Variants in KHDRBS2 observed in about 807,000 individuals in gnomAD.
KHDRBS2 encodes KH RNA binding domain containing, signal transduction associated 2.
KHDRBS2 carries 26 observed loss-of-function variants against 44.3 expected under a neutral mutation model. The observed-to-expected ratio is 0.59, with a 90% confidence interval of 0.43 to 0.81. KHDRBS2 has a LOEUF of 0.81. Among genes scored for constraint, KHDRBS2 ranks in the 40% least tolerant of loss-of-function variants. KHDRBS2 has a pLI of 0.00. For synonymous variants in KHDRBS2, 194 were observed against 151.1 expected (o/e 1.28, Z -2.08); for missense variants, 476 against 433.1 (o/e 1.10, Z -0.88).
intron 3 of KHDRBS2, among the ~76,000 whole-genome samples, chr6:62,041,006 A>T (rs1318475293): frequency 6.6e-6 from 1 of 152,028 alleles, no homozygotes; most frequent in Non-Finnish European, 1.5e-5. Context: ...GCCCCTTTCC[A>T]TATTGGTTAT....
intron 3 of KHDRBS2, among the ~76,000 whole-genome samples, chr6:62,000,835 T>C (rs1778100269): frequency 6.6e-6 from 1 of 152,170 alleles, no homozygotes; most frequent in Non-Finnish European, 1.5e-5. Context: ...CAATTCAAAA[T>C]TGGAAAAGTA....
chr6:61,661,281 C>A, the KHDRBS2 span: 1 of 151,924 alleles, frequency 6.6e-6, no homozygotes, highest in East Asian at 2.0e-4. Context: ...AAGGGACTCA[C>A]CTCCATTGTT....
chr6:62,069,452 AT>A (rs1044659335), intron 2 of KHDRBS2, among the ~76,000 whole-genome samples: 5 of 151,582 alleles, frequency 3.3e-5, no homozygotes, highest in African/African-American at 1.2e-4. Flanking sequence ...TCAAGTTATT[AT>A]TTTTTTCTTG....
chr6:62,059,635 G>A (rs1167151722), intron 2 of KHDRBS2, among the ~76,000 whole-genome samples: 1 of 151,686 alleles, frequency 6.6e-6, no homozygotes, highest in Non-Finnish European at 1.5e-5. Context: ...GAAAAAATTG[G>A]AGTATATTCC....
chr6:61,689,549 A>G (rs1767168775), intron 8 of KHDRBS2, among the ~76,000 whole-genome samples: 1 of 151,910 alleles, frequency 6.6e-6, no homozygotes, highest in Non-Finnish European at 1.5e-5. Flanking sequence ...CAATCTTCTC[A>G]GAAGTGTAAA....
chr6:61,890,773 C>A (rs1479586618), intron 6 of KHDRBS2, among the ~76,000 whole-genome samples: 2 of 151,580 alleles, frequency 1.3e-5, no homozygotes, highest in Non-Finnish European at 3.0e-5. Flanking sequence ...AGAACCAGGG[C>A]TAGTCCCTGA....
In KHDRBS2 at chr6:62,055,324, T is replaced by A. The variant is rs184929333; in HGVS notation, c.220-7330A>T. 4.0e-3 allele frequency among the ~76,000 whole-genome samples: 602 copies of A among 152,178 alleles called. 4 individuals are homozygous for A. Among genetic ancestry groups the A allele is most frequent in the African/African-American group, 0.013 (549 of 41,568 alleles). On this transcript the variant is annotated intron_variant, in intron 2 of 8. Coordinates refer to ENST00000281156, the MANE Select transcript of KHDRBS2 (RefSeq NM_152688.4). ...GAGGAATGGGAATGGAAAAATCTTA[T>A]GAGAAATTCAATCGCATTATAATTT...
chr6:62,286,075 T>G lies in KHDRBS2; in HGVS notation c.-127A>C, dbSNP rs765421950. 117 of 684,024 alleles carry G rather than the reference T, an allele frequency of 1.7e-4. No individual in the cohort carries two copies. The highest frequency in any genetic ancestry group is 2.8e-4 in the Non-Finnish European group (107 of 381,498). 42.4% of individuals were successfully genotyped at this position (684,024 alleles called of 1,614,324 possible). A position where few individuals can be genotyped will look rare whatever the true frequency, so the allele number is the denominator to read the frequency against. ...CCGCGCGGCGAGGGATCTCTGTGCG[T>G]CCTCACTGGCCCATGCACCCAGCAC... On this transcript the variant is annotated 5_prime_UTR_variant, in exon 1 of 9. Coordinates refer to ENST00000281156, the MANE Select transcript of KHDRBS2 (RefSeq NM_152688.4).
the KHDRBS2 span, among the ~76,000 whole-genome samples, chr6:61,546,330 A>G: frequency 3.3e-5 from 5 of 152,100 alleles, no homozygotes; most frequent in African/African-American, 9.6e-5. Flanking sequence ...ACAAAACTTT[A>G]TATAACCACA....
At chr6:61,584,257 G>A in the KHDRBS2 span, among the ~76,000 whole-genome samples, 1 of 151,774 alleles carries the variant, frequency 6.6e-6, no homozygotes, top group South Asian at 2.1e-4. Context: ...ATGTTAAATA[G>A]AAGTGATGAA....
intron 7 of KHDRBS2, among the ~76,000 whole-genome samples, chr6:61,703,423 G>T (rs1473204795): frequency 6.6e-6 from 1 of 151,746 alleles, no homozygotes; most frequent in Non-Finnish European, 1.5e-5. Flanking sequence ...AAAATTATAT[G>T]TGAGGGATAT....
chr6:61,735,344 G>T (rs988454962), intron 6 of KHDRBS2, among the ~76,000 whole-genome samples: 4 of 152,088 alleles, frequency 2.6e-5, no homozygotes, highest in Non-Finnish European at 5.9e-5. Context: ...TCTATCTCCT[G>T]AGTGTAGGGA....
intron 8 of KHDRBS2, among the ~76,000 whole-genome samples, chr6:61,695,864 TTCGC>T (rs1390990058): frequency 1.3e-5 from 2 of 152,234 alleles, no homozygotes; most frequent in African/African-American, 4.8e-5. Flanking sequence ...GGACGTGCCC[TTCGC>T]CAGCCTGATG....
At chr6:61,953,405 T>C (rs936211344) in intron 4 of KHDRBS2, among the ~76,000 whole-genome samples, 13 of 151,978 alleles carry the variant, frequency 8.6e-5, no homozygotes, top group African/African-American at 3.1e-4. Context: ...TTTTTGAAAT[T>C]TCCCCCATCT....
At chr6:61,664,734 ACT>A in the KHDRBS2 span, among the ~76,000 whole-genome samples, 3 of 151,720 alleles carry the variant, frequency 2.0e-5, no homozygotes, top group Non-Finnish European at 4.4e-5. Context: ...TTTAAAGTTG[ACT>A]GCTTTTGATT....
At position 62,192,698 on chromosome 6, in the gene KHDRBS2, A is replaced by G. The variant is rs554039580; in HGVS notation, c.92-15386T>C. Among the ~76,000 whole-genome samples, 7 of 152,290 alleles carry G rather than the reference A, an allele frequency of 4.6e-5. No homozygotes were observed. The South Asian group carries it at 1.5e-3, about 32-fold the overall frequency. Reference sequence around the variant, plus strand: ...AGCACTAGGTATTTAAATATAACTGAATGTGACCTGCTTCACATACATCTT... The same window carrying G: ...AGCACTAGGTATTTAAATATAACTGGATGTGACCTGCTTCACATACATCTT... On this transcript the variant is annotated intron_variant, in intron 1 of 8. Coordinates refer to ENST00000281156, the MANE Select transcript of KHDRBS2 (RefSeq NM_152688.4).
intron 1 of KHDRBS2, among the ~76,000 whole-genome samples, chr6:62,281,081 A>G (rs544198947): frequency 1.3e-5 from 2 of 152,342 alleles, no homozygotes; most frequent in South Asian, 4.1e-4. Context: ...TGAAATAAAT[A>G]GGACCAGGGC....
At chr6:61,649,839 C>T in the KHDRBS2 span, among the ~76,000 whole-genome samples, 1 of 152,176 alleles carries the variant, frequency 6.6e-6, no homozygotes, top group Non-Finnish European at 1.5e-5. Flanking sequence ...AGATTGTCTT[C>T]TTATTTTGGT....
At chr6:61,758,467 A>T (rs1358589625) in intron 6 of KHDRBS2, among the ~76,000 whole-genome samples, 1 of 151,850 alleles carries the variant, frequency 6.6e-6, no homozygotes, top group East Asian at 1.9e-4. Context: ...TTCTGTCCCC[A>T]TGGCTTATAC....
Sources: allele counts gnomAD v4.1 joint callset (sites outside exome capture counted in the v4.1 genomes callset), GRCh38; gene constraint gnomAD v4.1.1; transcripts MANE v1.5; gene names NCBI Gene and HGNC (gene_info 2026-07-23, HGNC 2026-07-21).